The following MYH10 variants were observed in gnomAD, a reference collection of about 807,000 sequenced individuals.
MYH10 encodes myosin-10.
In MYH10, 55 loss-of-function variants were observed where a neutral mutation model predicts 257.8. That is an observed-to-expected ratio of 0.21 (90% CI 0.17 to 0.27). MYH10 has a LOEUF of 0.27. Among genes scored for constraint, MYH10 ranks in the 10% least tolerant of loss-of-function variants. The pLI is 1.00. For synonymous variants in MYH10, 854 were observed against 921.7 expected, an observed-to-expected ratio of 0.93 and a Z score of 1.33; for missense variants, 1,631 against 2,500.6, an observed-to-expected ratio of 0.65 and a Z score of 7.42.
At chr17:8,568,896 A>C (rs2083247013) in intron 7 of MYH10, among the ~76,000 whole-genome samples, 2 of 151,746 alleles carry the variant, frequency 1.3e-5, no homozygotes, top group Non-Finnish European at 2.9e-5. Flanking sequence ...AGGAAAGTAA[A>C]GCTTTCAAGT....
chr17:8,531,761 A>G (rs2082009883), intron 16 of MYH10, among the ~76,000 whole-genome samples: 1 of 152,094 alleles, frequency 6.6e-6, no homozygotes, highest in African/African-American at 2.4e-5. Flanking sequence ...CTATATTCAT[A>G]TATCATATAT....
chr17:8,520,948 C>T lies in MYH10; in HGVS notation c.2203G>A (p.Val735Ile). Reference sequence around the variant, plus strand: ...CGACAGATTCGGATCCCTTCCAGGACACCGTTACAGCGAAGCTGATCTAGG... The same window carrying T: ...CGACAGATTCGGATCCCTTCCAGGATACCGTTACAGCGAAGCTGATCTAGG... The part of the protein sequence containing the change: ...LVLDQLRCNG[V>I]LEGIRICRQG... Residue 735 changes from valine (V) to isoleucine (I), a missense_variant, in exon 19 of 43, where the codon GTC becomes ATC. Around this residue, in one of 11 missense-constraint regions of MYH10, gnomAD observed 7 missense variants for 46.7 expected, o/e 0.15. Coordinates refer to ENST00000360416, the MANE Select transcript of MYH10 (RefSeq NM_001256012.3). 6.2e-7 allele frequency: 1 copy of T among 1,613,804 alleles called. No individual in the cohort carries two copies. Among genetic ancestry groups the T allele is most frequent in the Non-Finnish European group, 8.5e-7 (1 of 1,179,744 alleles).
At chr17:8,583,318 A>T (rs915329723) in intron 4 of MYH10, among the ~76,000 whole-genome samples, 1 of 152,258 alleles carries the variant, frequency 6.6e-6, no homozygotes, top group Non-Finnish European at 1.5e-5. Flanking sequence ...TGAGACACAC[A>T]TCTAATAATT....
chr17:8,547,432 T>C (rs532707641), intron 11 of MYH10, among the ~76,000 whole-genome samples: 3 of 151,986 alleles, frequency 2.0e-5, no homozygotes, highest in East Asian at 1.9e-4. Flanking sequence ...ACAGCCCTAA[T>C]AGGAGGTGCC....
At chr17:8,525,299 A>G (rs1272670394) in intron 17 of MYH10, among the ~76,000 whole-genome samples, 1 of 152,372 alleles carries the variant, frequency 6.6e-6, no homozygotes, top group East Asian at 1.9e-4. Context: ...TCCCTGGGAC[A>G]GAACTTCCAC....
At chr17:8,493,637 G>A (rs1050612833) in intron 32 of MYH10, 96 bp downstream of exon 32, 18 of 1,396,672 alleles carry the variant, frequency 1.3e-5, no homozygotes, top group Non-Finnish European at 1.4e-5. Context: ...CTAATTAACT[G>A]TCCCAAATGG....
intron 3 of MYH10, among the ~76,000 whole-genome samples, chr17:8,602,066 C>G (rs1004610022): frequency 1.8e-4 from 27 of 151,368 alleles, no homozygotes; most frequent in Non-Finnish European, 3.4e-4. Context: ...AACTGCGCCT[C>G]CCGGGTTCAC....
At chr17:8,624,265 C>T (rs1282787843) in intron 1 of MYH10, among the ~76,000 whole-genome samples, 2 of 152,184 alleles carry the variant, frequency 1.3e-5, no homozygotes, top group Non-Finnish European at 2.9e-5. Context: ...TATGTCCCCT[C>T]CTCTACTTGT....
chr17:8,504,614 C>G lies in MYH10; in HGVS notation c.3599+80G>C. 1 of 1,253,388 alleles carries G rather than the reference C, an allele frequency of 8.0e-7. No homozygotes were observed. 77.6% of individuals were successfully genotyped at this position (1,253,388 alleles called of 1,614,324 possible). On this transcript the variant is annotated intron_variant, in intron 28 of 42. Coordinates refer to ENST00000360416, the MANE Select transcript of MYH10 (RefSeq NM_001256012.3). This position sits in a 1 kb window ranked among gnomAD's most constrained non-coding sequence, Gnocchi z 5.6. ...AAAGCACACCACCTCCCAAAGATAGCAAGCACACCAGGCATTTCTGCACGG... is the reference window on the plus strand; with the variant it reads ...AAAGCACACCACCTCCCAAAGATAGGAAGCACACCAGGCATTTCTGCACGG...
intron 2 of MYH10, among the ~76,000 whole-genome samples, chr17:8,620,977 T>C (rs1386442596): frequency 6.6e-6 from 1 of 152,212 alleles, no homozygotes; most frequent in Non-Finnish European, 1.5e-5. Flanking sequence ...AAGAGATAAC[T>C]GTAAAATCTC....
intron 3 of MYH10, among the ~76,000 whole-genome samples, chr17:8,595,919 T>C (rs2084352352): frequency 6.6e-6 from 1 of 152,190 alleles, no homozygotes; most frequent in Non-Finnish European, 1.5e-5. Flanking sequence ...TCTTTGTCCT[T>C]GTTTTGGCTT....
At chr17:8,630,212 A>C (rs1294283540) in intron 1 of MYH10, among the ~76,000 whole-genome samples, 2 of 141,610 alleles carry the variant, frequency 1.4e-5, no homozygotes, top group Non-Finnish European at 3.0e-5. Flanking sequence ...CTCGCGGGGC[A>C]CGCCGAGACC....
rs1026611701 is a variant in MYH10, at chr17:8,576,662, G to A, written c.644C>T (p.Pro215Leu). ...ACTTGCCTGGTGTTTCACTGGTTTA[G>A]GCGATTCCTGCTGTTCATTACAAAC... ...RKDHNIPQES[P>L]KPVKHQGELE... The change falls in exon 6 of 43, where the codon CCT becomes CTT. Residue 215 changes from proline (P) to leucine (L), a missense_variant. Physicochemically the swap from Pro to Leu is moderately conservative, Grantham distance 98. Transcript: ENST00000360416. The A allele has an allele frequency of 2.4e-5, 37 of 1,550,720 alleles. No homozygotes were observed. Among genetic ancestry groups the A allele is most frequent in the African/African-American group, 8.2e-5 (6 of 73,044 alleles).
chr17:8,626,045 C>G (rs1851991655), intron 1 of MYH10, among the ~76,000 whole-genome samples: 1 of 152,168 alleles, frequency 6.6e-6, no homozygotes, highest in African/African-American at 2.4e-5. Flanking sequence ...AAAAATCACA[C>G]AACATGTGAT....
intron 4 of MYH10, among the ~76,000 whole-genome samples, chr17:8,586,274 C>A (rs1287072913): frequency 6.6e-6 from 1 of 152,106 alleles, no homozygotes; most frequent in Non-Finnish European, 1.5e-5. Flanking sequence ...TCACTGAGTA[C>A]ACTTGTGTAA....
intron 3 of MYH10, 104 bp downstream of exon 3, chr17:8,604,722 A>T (rs531715010): frequency 6.8e-6 from 6 of 876,102 alleles, no homozygotes; most frequent in Middle Eastern, 4.0e-4. Context: ...TATTAATTTT[A>T]AAAAAATAAA....
chr17:8,558,576 T>C (rs2082884958), intron 7 of MYH10, among the ~76,000 whole-genome samples: 1 of 152,250 alleles, frequency 6.6e-6, no homozygotes, highest in Admixed American at 6.5e-5. Context: ...TTTCAACTTC[T>C]AAGTTGTAAC....
intron 1 of MYH10, among the ~76,000 whole-genome samples, chr17:8,629,028 G>A (rs1462570952): frequency 1.3e-5 from 2 of 152,184 alleles, no homozygotes; most frequent in East Asian, 1.9e-4. Context: ...GTAAGGAGAT[G>A]CATAAAATGG....
intron 19 of MYH10, among the ~76,000 whole-genome samples, chr17:8,519,589 C>A (rs1022683577): frequency 6.6e-6 from 1 of 151,570 alleles, no homozygotes; most frequent in Non-Finnish European, 1.5e-5. Flanking sequence ...CAATTATACT[C>A]CCTTTTTCTC....
Sources: gnomAD v4.1 joint callset for allele counts (sites outside exome capture counted in the v4.1 genomes callset) on GRCh38, gnomAD v4.1.1 for gene constraint, gnomAD v4.1.1 regional missense constraint, Gnocchi (gnomAD v3.1) non-coding constraint, MANE v1.5 for transcripts, NCBI Gene and HGNC (gene_info 2026-07-23, HGNC 2026-07-21) for gene names.